The following CSTPP1 variants were observed in gnomAD, a reference collection of about 807,000 sequenced individuals.
The protein encoded by CSTPP1 is UPF0705 protein C11orf49.
the CSTPP1 span, among the ~76,000 whole-genome samples, chr11:46,986,380 C>T: frequency 1.3e-5 from 2 of 151,038 alleles, no homozygotes; most frequent in African/African-American, 4.9e-5. Context: ...CTTATATATA[C>T]ACCAGTACGA....
the CSTPP1 span, among the ~76,000 whole-genome samples, chr11:47,127,773 T>A: frequency 7.9e-5 from 12 of 152,290 alleles, no homozygotes; most frequent in African/African-American, 2.2e-4. Context: ...TTACTATTAT[T>A]CACTGTCATT....
the CSTPP1 span, among the ~76,000 whole-genome samples, chr11:46,994,247 T>A: frequency 6.6e-6 from 1 of 152,192 alleles, no homozygotes; most frequent in African/African-American, 2.4e-5. Context: ...ACTTCCTCTT[T>A]TCCTAATTGA....
the CSTPP1 span, among the ~76,000 whole-genome samples, chr11:47,008,454 T>A: frequency 6.6e-6 from 1 of 152,222 alleles, no homozygotes; most frequent in Non-Finnish European, 1.5e-5. Context: ...TATTGTGAGA[T>A]ATCTGGTATG....
At chr11:47,020,862 T>C in the CSTPP1 span, among the ~76,000 whole-genome samples, 3 of 152,204 alleles carry the variant, frequency 2.0e-5, no homozygotes, top group African/African-American at 7.2e-5. Context: ...GTTGCCTCTC[T>C]GCATAGGAGG....
At chr11:47,083,365 T>G in the CSTPP1 span, among the ~76,000 whole-genome samples, 1 of 152,252 alleles carries the variant, frequency 6.6e-6, no homozygotes, top group East Asian at 1.9e-4. Context: ...TGATAGACAT[T>G]GGATTGTTTC....
the CSTPP1 span, among the ~76,000 whole-genome samples, chr11:47,019,461 G>T: frequency 6.6e-6 from 1 of 152,098 alleles, no homozygotes; most frequent in Non-Finnish European, 1.5e-5. Flanking sequence ...TTAATTTAAA[G>T]TAAGAGACTC....
the CSTPP1 span, among the ~76,000 whole-genome samples, chr11:46,945,115 CTT>C: frequency 2.6e-5 from 4 of 152,122 alleles, no homozygotes; most frequent in South Asian, 8.3e-4. Flanking sequence ...TCCTGATAAA[CTT>C]ATTTTTATTT....
chr11:47,028,850 T>C, the CSTPP1 span, among the ~76,000 whole-genome samples: 9 of 152,110 alleles, frequency 5.9e-5, no homozygotes, highest in Non-Finnish European at 8.8e-5. Flanking sequence ...TTTCTTCTTT[T>C]TTTTTGAGAC....
chr11:47,130,063 C>G, the CSTPP1 span, among the ~76,000 whole-genome samples: 2 of 152,096 alleles, frequency 1.3e-5, no homozygotes, highest in Admixed American at 6.6e-5. Context: ...TGGAGACCAT[C>G]CTGGCCAACA....
the CSTPP1 span, among the ~76,000 whole-genome samples, chr11:47,096,429 A>G: frequency 6.6e-6 from 1 of 152,148 alleles, no homozygotes; most frequent in Admixed American, 6.5e-5. Flanking sequence ...GGTCCCTCAT[A>G]TAAGTGAAGA....
chr11:46,983,923 A>C, the CSTPP1 span, among the ~76,000 whole-genome samples: 33 of 152,194 alleles, frequency 2.2e-4, no homozygotes, highest in Non-Finnish European at 4.0e-4. Flanking sequence ...TAAAAAGAAC[A>C]CCAGGGCTTT....
At chr11:47,097,453 G>GT in the CSTPP1 span, among the ~76,000 whole-genome samples, 1 of 56,024 alleles carries the variant, frequency 1.8e-5, no homozygotes, top group Non-Finnish European at 3.7e-5. Flanking sequence ...GAGGGAGGTG[G>GT]GGGGGGGTCG....
At chr11:47,067,403 G>T in the CSTPP1 span, among the ~76,000 whole-genome samples, 1 of 152,112 alleles carries the variant, frequency 6.6e-6, no homozygotes, top group Admixed American at 6.6e-5. Context: ...TGACTGAACT[G>T]TGTCTGCCCC....
chr11:46,973,790 G>GTGTGTGTGTGTGTGTC, the CSTPP1 span, among the ~76,000 whole-genome samples: 3 of 151,744 alleles, frequency 2.0e-5, no homozygotes, highest in Non-Finnish European at 4.4e-5. Context: ...ATGTGTGTGT[G>GTGTGTGTGTGTGTGTC]TGTGTGTGTC....
At chr11:46,995,898 T>C in the CSTPP1 span, among the ~76,000 whole-genome samples, 1 of 152,146 alleles carries the variant, frequency 6.6e-6, no homozygotes, top group Non-Finnish European at 1.5e-5. Flanking sequence ...CCCATTATTA[T>C]TGTGTGGGAG....
At chr11:47,110,890 CTTTT>C in the CSTPP1 span, among the ~76,000 whole-genome samples, 3 of 125,460 alleles carry the variant, frequency 2.4e-5, no homozygotes, top group Admixed American at 1.7e-4. Flanking sequence ...GAGAACACAT[CTTTT>C]TTTTTTTTTT....
At chr11:47,133,205 A>G in the CSTPP1 span, among the ~76,000 whole-genome samples, 1 of 152,216 alleles carries the variant, frequency 6.6e-6, no homozygotes, top group Non-Finnish European at 1.5e-5. Context: ...TCAAGGGTGT[A>G]AAACACCTCT....
chr11:47,114,949 G>A, the CSTPP1 span, among the ~76,000 whole-genome samples: 1 of 152,116 alleles, frequency 6.6e-6, no homozygotes, highest in African/African-American at 2.4e-5. Context: ...CCCATTCAGT[G>A]TGATATTGGC....
At chr11:47,116,315 G>A in the CSTPP1 span, among the ~76,000 whole-genome samples, 2 of 152,226 alleles carry the variant, frequency 1.3e-5, no homozygotes, top group Non-Finnish European at 2.9e-5. Context: ...GGAAAGTTCT[G>A]TAGATGTCTA....
Sources: allele counts gnomAD v4.1 joint callset (sites outside exome capture counted in the v4.1 genomes callset), GRCh38; gene constraint gnomAD v4.1.1; transcripts MANE v1.5; gene names NCBI Gene and HGNC (gene_info 2026-07-23, HGNC 2026-07-21).